PCNX2: variants seen among roughly 807,000 people sequenced by gnomAD.
PCNX2 encodes the protein pecanex-like protein 2.
PCNX2 carries 168 observed loss-of-function variants against 223.8 expected under a neutral mutation model. That is an observed-to-expected ratio of 0.75 (90% CI 0.66 to 0.85). The LOEUF (loss-of-function observed/expected upper bound fraction) is 0.85, where lower values mean the gene tolerates loss of function less well. Among genes scored for constraint, PCNX2 ranks in the 40% least tolerant of loss-of-function variants. The pLI is 0.00. For missense variants in PCNX2, 2,507 were observed against 2,675.5 expected (o/e 0.94, Z 1.39); for synonymous variants, 1,006 against 1,052.6 (o/e 0.96, Z 0.86).
intron 12 of PCNX2, among the ~76,000 whole-genome samples, chr1:233,215,125 T>C (rs1682046163): frequency 6.6e-6 from 1 of 152,212 alleles, no homozygotes; most frequent in Non-Finnish European, 1.5e-5. Context: ...AGCTTGAGAA[T>C]CGTCTCTGTG....
rs369163602 is a variant in PCNX2, at chr1:233,159,179, C to T, written c.3517+1104G>A. Among the ~76,000 whole-genome samples, 38 of 152,234 alleles carry T rather than the reference C, an allele frequency of 2.5e-4. No individual in the cohort carries two copies. The South Asian group carries it at 4.8e-3, about 19-fold the overall frequency. On this transcript the variant is annotated intron_variant, in intron 19 of 33. Transcript: ENST00000258229. ...GCACTTCTAAACCCCAGCAGCCCGACGAGGCCATCTTTCTCCACTGAACAA... is the reference window on the plus strand; with the variant it reads ...GCACTTCTAAACCCCAGCAGCCCGATGAGGCCATCTTTCTCCACTGAACAA...
chr1:232,995,346 G>T (rs1368327864), intron 32 of PCNX2, among the ~76,000 whole-genome samples: 1 of 152,190 alleles, frequency 6.6e-6, no homozygotes, highest in East Asian at 1.9e-4. Flanking sequence ...GGTGTGTGGG[G>T]TATTTAGCCA....
intron 9 of PCNX2, among the ~76,000 whole-genome samples, chr1:233,233,720 G>A (rs1013807038): frequency 1.3e-5 from 2 of 151,998 alleles, no homozygotes; most frequent in African/African-American, 4.8e-5. Flanking sequence ...ACTTGAAGGA[G>A]AGAGGCAGGG....
intron 8 of PCNX2, among the ~76,000 whole-genome samples, chr1:233,248,285 G>A (rs990879154): frequency 2.6e-5 from 4 of 151,946 alleles, no homozygotes; most frequent in East Asian, 1.9e-4. Context: ...TTCCAGTCTC[G>A]GGGGAACCTC....
intron 15 of PCNX2, among the ~76,000 whole-genome samples, chr1:233,197,976 AATTT>A (rs1007808225): frequency 2.0e-5 from 3 of 152,142 alleles, no homozygotes; most frequent in Non-Finnish European, 4.4e-5. Context: ...GTATAATATT[AATTT>A]ATTTGTTACT....
At chr1:233,121,283 C>T (rs1200808184) in intron 21 of PCNX2, among the ~76,000 whole-genome samples, 2 of 152,044 alleles carry the variant, frequency 1.3e-5, no homozygotes, top group East Asian at 3.9e-4. Flanking sequence ...CCAGCATAAA[C>T]CCATTCAAAA....
At chr1:233,095,679 CA>C (rs1160551127) in intron 22 of PCNX2, 75 bp downstream of exon 22, 3 of 1,278,386 alleles carry the variant, frequency 2.3e-6, no homozygotes, top group East Asian at 2.5e-5. Context: ...TTTTTATTGC[CA>C]GGGGTCAATG....
chr1:233,103,756 A>C (rs1674620180), intron 21 of PCNX2, among the ~76,000 whole-genome samples: 1 of 152,198 alleles, frequency 6.6e-6, no homozygotes. Context: ...GAGTGCAGAT[A>C]TCTCTTCAAT....
upstream of PCNX2, among the ~76,000 whole-genome samples, chr1:233,299,821 T>G (rs1662231683): frequency 6.6e-6 from 1 of 152,206 alleles, no homozygotes; most frequent in Non-Finnish European, 1.5e-5. Context: ...TGTAGTTACC[T>G]ATAATACAGA....
At chr1:233,320,598 G>A in the PCNX2 span, among the ~76,000 whole-genome samples, 1 of 152,104 alleles carries the variant, frequency 6.6e-6, no homozygotes, top group Non-Finnish European at 1.5e-5. Context: ...GATATTCTTT[G>A]ATACCATAAA....
chr1:233,251,273 C>T lies in PCNX2; in HGVS notation c.2129-441G>A, dbSNP rs144588236. On this transcript the variant is annotated intron_variant, in intron 7 of 33. Transcript: ENST00000258229. The stretch of plus-strand genomic sequence containing the variant: ...AAGAGTACAGTTTTGATTGGTGGAC[C>T]GCATGAGACCATCTCTGCCTCCAAC... 2.8e-3 allele frequency among the ~76,000 whole-genome samples: 431 copies of T among 152,206 alleles called. 2 individuals are homozygous for T. The highest frequency in any genetic ancestry group is 0.01 in the African/African-American group (418 of 41,510).
At chr1:233,313,509 GAACAGATTCAAC>G in the PCNX2 span, among the ~76,000 whole-genome samples, 1 of 151,644 alleles carries the variant, frequency 6.6e-6, no homozygotes, top group South Asian at 2.1e-4. Flanking sequence ...AACAATAAAG[GAACAGATTCAAC>G]AACAGATTCA....
chr1:233,082,397 G>A (rs775440143), intron 23 of PCNX2, among the ~76,000 whole-genome samples: 14 of 152,056 alleles, frequency 9.2e-5, no homozygotes, highest in Non-Finnish European at 1.8e-4. Context: ...AATAGACTTC[G>A]GATTCCTGAT....
intron 9 of PCNX2, 134 bp downstream of exon 9, chr1:233,236,711 A>C (rs1335887586): frequency 7.8e-7 from 1 of 1,278,580 alleles, no homozygotes. Context: ...CCTTGCAGTG[A>C]TATATCAACA....
intron 21 of PCNX2, among the ~76,000 whole-genome samples, chr1:233,127,858 G>A (rs1290850307): frequency 6.6e-6 from 1 of 152,160 alleles, no homozygotes; most frequent in African/African-American, 2.4e-5. Context: ...ATAATACCTA[G>A]CCCAGTGCCT....
rs1675440562 is a variant in PCNX2, at chr1:233,116,804, G to A, written c.3837+18209C>T. On this transcript the variant is annotated intron_variant, in intron 21 of 33. Transcript: ENST00000258229. ...AAAGAAAATAATAAAGATAAAAGCA[G>A]AAATCTATGAAATTACAAATAAGAC... Among the ~76,000 whole-genome samples, 4 of 151,804 alleles carry A rather than the reference G, an allele frequency of 2.6e-5. No individual in the cohort carries two copies. In the South Asian group the frequency reaches 8.3e-4, roughly 32 times the overall value.
intron 15 of PCNX2, among the ~76,000 whole-genome samples, chr1:233,188,862 C>T (rs1265479338): frequency 6.6e-6 from 1 of 152,100 alleles, no homozygotes; most frequent in Non-Finnish European, 1.5e-5. Flanking sequence ...TTAAAGTTAC[C>T]TGATTAGGGA....
intron 21 of PCNX2, among the ~76,000 whole-genome samples, chr1:233,110,164 A>G (rs1269569874): frequency 1.3e-5 from 2 of 152,238 alleles, no homozygotes; most frequent in Non-Finnish European, 2.9e-5. Flanking sequence ...ACAAATGAAT[A>G]AATAAACAAA....
chr1:233,170,256 A>G (rs1034544037), intron 17 of PCNX2, among the ~76,000 whole-genome samples: 2 of 152,054 alleles, frequency 1.3e-5, no homozygotes, highest in African/African-American at 4.8e-5. Flanking sequence ...ACTAATTCAC[A>G]CTCCCACCAG....
Sources: allele counts gnomAD v4.1 joint callset (sites outside exome capture counted in the v4.1 genomes callset), GRCh38; gene constraint gnomAD v4.1.1; transcripts MANE v1.5; gene names NCBI Gene and HGNC (gene_info 2026-07-23, HGNC 2026-07-21).